The following KRT3 variants were observed in gnomAD, a reference collection of about 807,000 sequenced individuals.
The protein encoded by KRT3 is keratin, type II cytoskeletal 3.
A neutral mutation model predicts 45.8 loss-of-function variants in KRT3; 34 were observed. That is an observed-to-expected ratio of 0.74 (90% CI 0.57 to 0.99). The LOEUF (loss-of-function observed/expected upper bound fraction) is 0.99. KRT3 is among the 50% of genes least tolerant of loss of function. KRT3 has a pLI of 0.00. For missense variants in KRT3, 828 were observed against 820.6 expected, an observed-to-expected ratio of 1.01 and a Z score of -0.11; for synonymous variants, 367 against 329.0, an observed-to-expected ratio of 1.12 and a Z score of -1.25.
Position 52,794,103 on chromosome 12 carries a change from T to C in KRT3, c.866+8A>G, listed in dbSNP as rs1489426655. 1.9e-6 allele frequency: 3 copies of C among 1,609,760 alleles called. No homozygotes were observed. In the East Asian group the frequency reaches 6.7e-5, roughly 36 times the overall value. ...ATGGCATCTTCCCACTCCTGCCCTGTCACTCACTTCTTCTTGAAGTCTTCC... is the reference window on the plus strand; with the variant it reads ...ATGGCATCTTCCCACTCCTGCCCTGCCACTCACTTCTTCTTGAAGTCTTCC... On this transcript the variant is annotated splice_region_variant and intron_variant, in intron 2 of 8. Transcript: ENST00000417996.
At chr12:52,793,992 A>G in intron 2 of KRT3, 119 bp downstream of exon 2, 2 of 719,154 alleles carry the variant, frequency 2.8e-6, no homozygotes, top group Non-Finnish European at 2.4e-6. Flanking sequence ...CATGAAGGTA[A>G]GGAGAGGGAA....
chr12:52,794,023 G>C, intron 2 of KRT3, 88 bp downstream of exon 2: 1 of 1,007,914 alleles, frequency 9.9e-7, no homozygotes, highest in South Asian at 1.5e-5. Flanking sequence ...AGACGCCACT[G>C]CCCAGCAGTC....
At chr12:52,792,671 C>G (rs1939549133) in intron 4 of KRT3, 40 bp downstream of exon 4, 1 of 1,416,004 alleles carries the variant, frequency 7.1e-7, no homozygotes, top group African/African-American at 1.4e-5. Flanking sequence ...GGAAACACCT[C>G]ACTCTCCCTC....
At chr12:52,794,458 G>T in intron 1 of KRT3, 127 bp from the exon 2 acceptor site, 1 of 669,100 alleles carries the variant, frequency 1.5e-6, no homozygotes, top group East Asian at 2.6e-5. Flanking sequence ...AAGATGCAAA[G>T]ATAGGCTCCT....
Position 52,790,000 on chromosome 12 carries a change from G to A in KRT3, c.*42C>T. 6.6e-7 allele frequency: 1 copy of A among 1,523,406 alleles called. No individual in the cohort carries two copies. The highest frequency in any genetic ancestry group is 8.8e-7 in the Non-Finnish European group (1 of 1,133,960). 94.4% of individuals were successfully genotyped at this position (1,523,406 alleles called of 1,614,324 possible). On this transcript the variant is annotated 3_prime_UTR_variant, in exon 9 of 9. Coordinates refer to ENST00000417996, the MANE Select transcript of KRT3 (RefSeq NM_057088.3). ...TGCCAATATGGGGGCGTGGGGAGCG[G>A]AGGGGAGGCGCTGGAGTGGCTGCGA...
chr12:52,790,927 G>C (rs1052312654), intron 7 of KRT3, 55 bp from the exon 8 acceptor site: 3 of 1,526,430 alleles, frequency 2.0e-6, no homozygotes, highest in Non-Finnish European at 2.7e-6. Flanking sequence ...TCACCAACAA[G>C]TCCACGGACC....
intron 3 of KRT3, 57 bp from the exon 4 acceptor site, chr12:52,792,863 A>T: frequency 8.7e-7 from 1 of 1,147,396 alleles, no homozygotes; most frequent in Non-Finnish European, 1.3e-6. Context: ...AGCAAACCAC[A>T]ACTGCAGCAA....
In KRT3 at chr12:52,792,668, C is replaced by T. The variant is rs745930023; in HGVS notation, c.1023+43G>A. On this transcript the variant is annotated intron_variant, in intron 4 of 8. Coordinates refer to ENST00000417996, the MANE Select transcript of KRT3 (RefSeq NM_057088.3). ...TGCACCAGCCTCAAATCTGGAAACACCTCACTCTCCCTCTGTCCCTTCTTA... is the reference window on the plus strand; with the variant it reads ...TGCACCAGCCTCAAATCTGGAAACATCTCACTCTCCCTCTGTCCCTTCTTA... The T allele has an allele frequency of 1.1e-5, 15 of 1,403,334 alleles. No individual in the cohort carries two copies. In the Admixed American group the frequency reaches 2.5e-4, roughly 23 times the overall value. 86.9% of individuals were successfully genotyped at this position (1,403,334 alleles called of 1,614,324 possible).
At chr12:52,792,504 G>T in intron 4 of KRT3, 101 bp from the exon 5 acceptor site, 1 of 1,234,712 alleles carries the variant, frequency 8.1e-7, no homozygotes, top group Non-Finnish European at 1.2e-6. Flanking sequence ...CTGATTCCTT[G>T]CTCCACATGT....
At position 52,795,988 on chromosome 12, in the gene KRT3, G is replaced by A. The variant is rs570472655; in HGVS notation, c.55C>T (p.Arg19Cys). ...CTGCTGCCGGAGACCACAGCAGAGC[G>A]GCCGGAGAAACCCTGGCTCCCGCCA... ...SGGGSQGFSG[R>C]SAVVSGSSRM... The change falls in exon 1 of 9, where the codon CGC (arginine) becomes TGC (cysteine). Residue 19 changes from arginine (R) to cysteine (C), a missense_variant. Arg to Cys is a radical substitution (Grantham distance 180). Coordinates refer to ENST00000417996, the MANE Select transcript of KRT3 (RefSeq NM_057088.3). The A allele has an allele frequency of 1.7e-5, 27 of 1,613,936 alleles. No homozygotes were observed. The highest frequency in any genetic ancestry group is 3.3e-5 in the Admixed American group (2 of 60,036).
intron 8 of KRT3, 132 bp downstream of exon 8, chr12:52,790,706 C>A: frequency 1.2e-6 from 1 of 866,172 alleles, no homozygotes; most frequent in South Asian, 1.4e-5. Context: ...AAAAGCCAAT[C>A]ACTTCCCTCT....
chr12:52,795,381 A>T lies in KRT3; in HGVS notation c.645+17T>A. ...GTCCCCAGCCCAGGAAGGGATGACC[A>T]GTCAAAGCTTCATTACCTTGTCAAT... On this transcript the variant is annotated intron_variant, in intron 1 of 8. Coordinates refer to ENST00000417996, the MANE Select transcript of KRT3 (RefSeq NM_057088.3). 6.2e-7 allele frequency: 1 copy of T among 1,613,944 alleles called. No individual in the cohort carries two copies. The highest frequency in any genetic ancestry group is 8.5e-7 in the Non-Finnish European group (1 of 1,179,946).
chr12:52,794,680 T>C (rs1939598773), intron 1 of KRT3, among the ~76,000 whole-genome samples: 1 of 152,182 alleles, frequency 6.6e-6, no homozygotes, highest in Non-Finnish European at 1.5e-5. Flanking sequence ...AGCAGCACCA[T>C]TTCCACCCAC....
chr12:52,793,735 G>C (rs1489849007), intron 2 of KRT3, among the ~76,000 whole-genome samples: 1 of 152,098 alleles, frequency 6.6e-6, no homozygotes, highest in Non-Finnish European at 1.5e-5. Context: ...TGGATTACAG[G>C]TGTGTGCCAC....
At position 52,795,745 on chromosome 12, in the gene KRT3, C is replaced by T. The variant is rs188384912; in HGVS notation, c.298G>A (p.Gly100Ser). 1.2e-4 allele frequency: 187 copies of T among 1,613,124 alleles called. No individual in the cohort carries two copies. In the Middle Eastern group the frequency reaches 1.5e-3, roughly 13 times the overall value. Residue 100 changes from glycine (G) to serine (S), a missense_variant, in exon 1 of 9, where the codon GGC becomes AGC. By Grantham distance (56) the Gly-to-Ser change is moderately conservative. Coordinates refer to ENST00000417996, the MANE Select transcript of KRT3 (RefSeq NM_057088.3). ...CCACCACCAAAGCCACCTCCATAGC[C>T]GCTCCCAAAGCCACCTCCATAGCCA... ...AGGYGGGFGS[G>S]YGGGFGGGFG...
chr12:52,792,717 G>A lies in KRT3; in HGVS notation c.1017C>T (p.Tyr339=), dbSNP rs200246450. The change falls in exon 4 of 9, where the codon TAC becomes TAT. Residue 339 remains tyrosine (Y), a synonymous_variant. Transcript: ENST00000417996. ...IDEIDFLRTL[Y]DAELSQMQSH... is the part of the protein sequence containing the mutation. ...TAGTAGGTAACATCCTTACAGCGTC[G>A]TAGAGGGTCCTTAAGAAGTCGATCT... The A allele has an allele frequency of 3.1e-5, 50 of 1,606,996 alleles. No homozygotes were observed. The highest frequency in any genetic ancestry group is 3.3e-4 in the Middle Eastern group (2 of 6,038).
intron 7 of KRT3, 118 bp downstream of exon 7, chr12:52,791,088 T>C: frequency 2.0e-6 from 3 of 1,510,078 alleles, no homozygotes; most frequent in South Asian, 1.2e-5. Flanking sequence ...GGCAAATGCT[T>C]CACCACAAGG....
At position 52,791,305 on chromosome 12, in the gene KRT3, G is replaced by C; in HGVS notation, c.1436C>G (p.Ala479Gly). The change falls in exon 7 of 9, where the codon GCG becomes GGG. Residue 479 changes from alanine (A) to glycine (G), a missense_variant. Transcript: ENST00000417996. ...CTCCTGGTAGTCACGTAGCAGCCGC[G>C]CCAGGTCATCCTTCGCCTGCTGTAG... ...AALQQAKDDL[A>G]RLLRDYQELM... The C allele has an allele frequency of 6.2e-7, 1 of 1,614,218 alleles. No homozygotes were observed. The highest frequency in any genetic ancestry group is 1.1e-5 in the South Asian group (1 of 91,088).
Position 52,789,698 on chromosome 12 carries a change from A to G in KRT3, c.*344T>C, listed in dbSNP as rs1939440216. ...AGAGGCCCGGAGTGAAACACAGTGC[A>G]CTTTATTGGCGACAGACCGGAGGGG... On this transcript the variant is annotated 3_prime_UTR_variant, in exon 9 of 9. Transcript: ENST00000417996. 4.4e-6 allele frequency: 2 copies of G among 455,632 alleles called. No individual in the cohort carries two copies. Among genetic ancestry groups the G allele is most frequent in the East Asian group, 3.9e-5 (1 of 25,908 alleles). 28.2% of individuals were successfully genotyped at this position (455,632 alleles called of 1,614,324 possible).
Sources: allele counts gnomAD v4.1 joint callset (sites outside exome capture counted in the v4.1 genomes callset), GRCh38; gene constraint gnomAD v4.1.1; transcripts MANE v1.5; gene names NCBI Gene and HGNC (gene_info 2026-07-23, HGNC 2026-07-21).